Variants in SLC22A15 observed in about 807,000 individuals in gnomAD.
The protein encoded by SLC22A15 is flipt 1.
A neutral mutation model predicts 62.7 loss-of-function variants in SLC22A15; 45 were observed. The observed-to-expected ratio is 0.72, with a 90% confidence interval of 0.56 to 0.92. The LOEUF is 0.92. Ranked by LOEUF, SLC22A15 falls within the 40% of genes least tolerant of loss-of-function variation. SLC22A15 has a pLI of 0.00. For missense variants in SLC22A15, 622 were observed against 665.6 expected, an observed-to-expected ratio of 0.93 and a Z score of 0.72; for synonymous variants, 264 against 267.0, an observed-to-expected ratio of 0.99 and a Z score of 0.11.
chr1:115,998,865 A>C (rs1422525226), intron 2 of SLC22A15, among the ~76,000 whole-genome samples: 1 of 151,742 alleles, frequency 6.6e-6, no homozygotes, highest in East Asian at 1.9e-4. Flanking sequence ...TTTAATCTGC[A>C]TCATTAGGTT....
At chr1:115,991,901 G>A (rs1427664915) in intron 1 of SLC22A15, 130 bp from the exon 2 acceptor site, 21 of 718,380 alleles carry the variant, frequency 2.9e-5, no homozygotes, top group Non-Finnish European at 4.7e-5. Context: ...TTCTGATGTG[G>A]CTTATATCTG....
At chr1:116,001,634 C>T (rs907476407) in intron 2 of SLC22A15, among the ~76,000 whole-genome samples, 2 of 151,876 alleles carry the variant, frequency 1.3e-5, no homozygotes, top group Admixed American at 6.6e-5. Flanking sequence ...CTGGTGCGTT[C>T]TTCATTTTGT....
intron 2 of SLC22A15, among the ~76,000 whole-genome samples, chr1:115,996,405 G>A (rs1445499162): frequency 6.6e-6 from 1 of 152,086 alleles, no homozygotes; most frequent in South Asian, 2.1e-4. Context: ...TCAATTTGGG[G>A]AGAATCAACG....
chr1:116,004,593 A>T (rs1415340988), intron 2 of SLC22A15, among the ~76,000 whole-genome samples: 5 of 152,128 alleles, frequency 3.3e-5, no homozygotes, highest in Non-Finnish European at 1.5e-5. Flanking sequence ...TAACATTTTG[A>T]TAAGGATTAA....
chr1:116,059,704 GATT>G, intron 8 of SLC22A15, among the ~76,000 whole-genome samples: 1 of 152,146 alleles, frequency 6.6e-6, no homozygotes, highest in East Asian at 1.9e-4. Flanking sequence ...CTGTCTTAAA[GATT>G]TTTAACATGT....
At chr1:116,064,777 T>A (rs1267936456) in intron 10 of SLC22A15, among the ~76,000 whole-genome samples, 1 of 152,106 alleles carries the variant, frequency 6.6e-6, no homozygotes, top group East Asian at 1.9e-4. Context: ...CATGAAAAAG[T>A]TAGTCAACTA....
intron 8 of SLC22A15, among the ~76,000 whole-genome samples, chr1:116,058,733 A>C (rs531215231): frequency 6.6e-6 from 1 of 152,338 alleles, no homozygotes; most frequent in Admixed American, 6.5e-5. Flanking sequence ...TTATCAGTTA[A>C]CGAGTGGATA....
chr1:115,980,122 A>G (rs905060881), intron 1 of SLC22A15, among the ~76,000 whole-genome samples: 1 of 152,164 alleles, frequency 6.6e-6, no homozygotes, highest in African/African-American at 2.4e-5. Context: ...AAACTGTAAT[A>G]GTCAACACAC....
rs529310166 is a variant in SLC22A15 at position 116,030,760 on chromosome 1, T to A, written c.729-606T>A. Among the ~76,000 whole-genome samples, 90 of 152,340 alleles carry A rather than the reference T, an allele frequency of 5.9e-4. No homozygotes were observed. In the South Asian group the frequency reaches 0.018, roughly 30 times the overall value. ...ATTAAAGCCAGTGTGTCAGGTGATT[T>A]GAGTATTTTGAAGCAGTAAACACTC... On this transcript the variant is annotated intron_variant, in intron 5 of 11. Transcript: ENST00000369503.
chr1:116,032,316 A>T, intron 6 of SLC22A15: 1 of 985,396 alleles, frequency 1.0e-6, no homozygotes, highest in Non-Finnish European at 1.2e-6. Flanking sequence ...CAATTTGTGG[A>T]TTGCACATGT....
intron 5 of SLC22A15, among the ~76,000 whole-genome samples, chr1:116,028,543 TTTTTTA>T (rs951927200): frequency 4.6e-5 from 5 of 109,006 alleles, no homozygotes; most frequent in African/African-American, 1.7e-4. Context: ...TTTTTTTTTT[TTTTTTA>T]AAATATATAG....
At chr1:115,999,192 A>G (rs917987563) in intron 2 of SLC22A15, among the ~76,000 whole-genome samples, 3 of 152,228 alleles carry the variant, frequency 2.0e-5, no homozygotes, top group African/African-American at 7.2e-5. Context: ...TTTGTGGCTA[A>G]CATGTGGTCT....
In SLC22A15 at chr1:115,992,073, G is replaced by T. The variant is rs752200610; in HGVS notation, c.130G>T (p.Ala44Ser). ...GGCCATCCTCATTGCACTGGTTGGG[G>T]CCACGCCATCCTACCACTGGGACCT... The part of the protein sequence containing the change: ...TEAILIALVG[A>S]TPSYHWDLAE... The change falls in exon 2 of 12, where the codon GCC becomes TCC. Residue 44 changes from alanine (A) to serine (S), a missense_variant. Ala to Ser is a moderately conservative substitution (Grantham distance 99). Transcript: ENST00000369503. The T allele has an allele frequency of 1.9e-6, 3 of 1,613,876 alleles. No homozygotes were observed. Among genetic ancestry groups the T allele is most frequent in the Non-Finnish European group, 2.5e-6 (3 of 1,179,886 alleles).
chr1:116,020,566 CAAAAAAACAA>C (rs1422139689), intron 3 of SLC22A15, among the ~76,000 whole-genome samples, 145 bp from the exon 4 acceptor site: 7 of 147,378 alleles, frequency 4.7e-5, no homozygotes, highest in Non-Finnish European at 7.5e-5. Context: ...AAAAAAAAAA[CAAAAAAACAA>C]AAAAAAACAA....
rs1656732126 is a variant in SLC22A15 at position 116,019,888 on chromosome 1, A to G, written c.433+174A>G. ...AACTGCAGCTTGAGTGCTTCTGGCC[A>G]GGCACCTTTAAGTTACTAGCCCACC... On this transcript the variant is annotated intron_variant, in intron 3 of 11. Coordinates refer to ENST00000369503, the MANE Select transcript of SLC22A15 (RefSeq NM_018420.3). Among the ~76,000 whole-genome samples, 2 of 152,244 alleles carry G rather than the reference A, an allele frequency of 1.3e-5. 1 individual carries two copies. The highest frequency in any genetic ancestry group is 4.1e-4 in the South Asian group (2 of 4,836).
intron 2 of SLC22A15, among the ~76,000 whole-genome samples, chr1:116,013,247 G>T (rs1656363283): frequency 6.6e-6 from 1 of 152,114 alleles, no homozygotes; most frequent in South Asian, 2.1e-4. Context: ...AAGCACACAG[G>T]CCATAACCCT....
intron 8 of SLC22A15, among the ~76,000 whole-genome samples, chr1:116,050,082 C>T (rs1166322937): frequency 1.3e-5 from 2 of 151,926 alleles, no homozygotes; most frequent in Non-Finnish European, 1.5e-5. Flanking sequence ...CAATAACAAG[C>T]AACGAGATTG....
At chr1:116,052,567 C>G (rs1029173967) in intron 8 of SLC22A15, among the ~76,000 whole-genome samples, 1 of 152,200 alleles carries the variant, frequency 6.6e-6, no homozygotes, top group Non-Finnish European at 1.5e-5. Flanking sequence ...TCTCCCAGCA[C>G]GCAGCTGGAG....
At chr1:116,031,660 G>A (rs920684836) in intron 6 of SLC22A15, 79 bp downstream of exon 6, 135 of 1,579,832 alleles carry the variant, frequency 8.5e-5, no homozygotes, top group Non-Finnish European at 1.1e-4. Context: ...TCCTTCTTCA[G>A]GGTACAGGGA....
Sources: allele counts gnomAD v4.1 joint callset (sites outside exome capture counted in the v4.1 genomes callset), GRCh38; gene constraint gnomAD v4.1.1; transcripts MANE v1.5; gene names NCBI Gene and HGNC (gene_info 2026-07-23, HGNC 2026-07-21).